ACKR3: variants seen among roughly 807,000 people sequenced by gnomAD.
The protein encoded by ACKR3 is atypical chemokine receptor 3, also known as C-X-C chemokine receptor type 7.
In ACKR3, 6 loss-of-function variants were observed where a neutral mutation model predicts 22.4. That is an observed-to-expected ratio of 0.27 (90% confidence interval 0.15 to 0.53). The LOEUF is 0.53. Among genes scored for constraint, ACKR3 ranks in the 20% least tolerant of loss-of-function variants. The pLI is 0.96. For synonymous variants in ACKR3, 209 were observed against 205.2 expected, an observed-to-expected ratio of 1.02 and a Z score of -0.16; for missense variants, 396 against 475.2, an observed-to-expected ratio of 0.83 and a Z score of 1.55.
chr2:236,543,563 T>C, the ACKR3 span, among the ~76,000 whole-genome samples: 1 of 151,680 alleles, frequency 6.6e-6, no homozygotes, highest in Non-Finnish European at 1.5e-5. Flanking sequence ...CCCAGGGGAG[T>C]GGATGGATAA....
chr2:236,547,707 A>T, the ACKR3 span, among the ~76,000 whole-genome samples: 1 of 152,326 alleles, frequency 6.6e-6, no homozygotes, highest in African/African-American at 2.4e-5. Context: ...CATGTTAGAG[A>T]TATGAATCCA....
chr2:236,578,788 C>A (rs767069064), intron 1 of ACKR3, among the ~76,000 whole-genome samples: 2 of 152,190 alleles, frequency 1.3e-5, no homozygotes, highest in African/African-American at 2.4e-5. Context: ...TGTGCGAGCT[C>A]CCCCGGGGGC....
intron 1 of ACKR3, among the ~76,000 whole-genome samples, chr2:236,571,057 C>G (rs559737552): frequency 6.6e-6 from 1 of 152,066 alleles, no homozygotes; most frequent in African/African-American, 2.4e-5. Flanking sequence ...TTTATTTATT[C>G]CAGGAAAAAT....
chr2:236,556,772 T>C, the ACKR3 span, among the ~76,000 whole-genome samples: 1 of 152,210 alleles, frequency 6.6e-6, no homozygotes, highest in African/African-American at 2.4e-5. Context: ...CACTGCAACC[T>C]CCACCTCCCA....
rs1445577548 is a variant in ACKR3 at position 236,574,392 on chromosome 2, G to A, written c.-27+4468G>A. Reference sequence around the variant, plus strand: ...TGGTGGGGGGTGCGGGGCCTGGTAGGAATGAGGTGGAGGGGCAAGAAACCT... The same window carrying A: ...TGGTGGGGGGTGCGGGGCCTGGTAGAAATGAGGTGGAGGGGCAAGAAACCT... On this transcript the variant is annotated intron_variant, in intron 1 of 1. Transcript: ENST00000272928. This position sits in a 1 kb window ranked among gnomAD's most constrained non-coding sequence, Gnocchi z 5.6. Among the ~76,000 whole-genome samples, 1 of 152,144 alleles carries A rather than the reference G, an allele frequency of 6.6e-6. No individual in the cohort carries two copies. The highest frequency in any genetic ancestry group is 1.5e-5 in the Non-Finnish European group (1 of 68,010).
chr2:236,538,481 GCCACCC>G, the ACKR3 span, among the ~76,000 whole-genome samples: 1 of 152,146 alleles, frequency 6.6e-6, no homozygotes, highest in African/African-American at 2.4e-5. Context: ...GGCAAGACTT[GCCACCC>G]CCACCCTCCT....
intron 1 of ACKR3, 145 bp from the exon 2 acceptor site, chr2:236,580,295 C>T (rs559359072): frequency 5.3e-6 from 4 of 752,576 alleles, no homozygotes; most frequent in African/African-American, 3.5e-5. Flanking sequence ...TTTTTTCTCC[C>T]TTCTTTGCAA....
upstream of ACKR3, among the ~76,000 whole-genome samples, chr2:236,566,535 A>T (rs2106494826): frequency 8.0e-6 from 1 of 124,920 alleles, no homozygotes; most frequent in African/African-American, 5.4e-5. Context: ...CTCTCCCCAT[A>T]GCAGAAGGAA....
At chr2:236,544,448 C>A in the ACKR3 span, among the ~76,000 whole-genome samples, 1 of 152,252 alleles carries the variant, frequency 6.6e-6, no homozygotes, top group South Asian at 2.1e-4. The surrounding 1 kb of genome is among the most constrained non-coding windows in gnomAD (Gnocchi z 5.0). Context: ...GGCTTCCTGT[C>A]GGAGCAGGTC....
chr2:236,557,906 C>T, the ACKR3 span, among the ~76,000 whole-genome samples: 2 of 152,242 alleles, frequency 1.3e-5, no homozygotes, highest in East Asian at 1.9e-4. Flanking sequence ...CGATCAGACA[C>T]ACCCAAATGG....
rs1691503561 is a variant in ACKR3 at position 236,580,687 on chromosome 2, C to T, written c.222C>T (p.Thr74=). 1 of 1,614,188 alleles carries T rather than the reference C, an allele frequency of 6.2e-7. No individual in the cohort carries two copies. Among genetic ancestry groups the T allele is most frequent in the Admixed American group, 1.7e-5 (1 of 60,016 alleles). The change falls in exon 2 of 2, where the codon ACC becomes ACT. Residue 74 remains threonine (T), a synonymous_variant. Coordinates refer to ENST00000272928, the MANE Select transcript of ACKR3 (RefSeq NM_020311.3). The stretch of plus-strand genomic sequence containing the variant: ...TCTGGGTGAATATCCAGGCCAAGAC[C>T]ACAGGCTATGACACGCACTGCTACA... ...VVVWVNIQAK[T]TGYDTHCYIL...
the ACKR3 span, among the ~76,000 whole-genome samples, chr2:236,550,584 A>G: frequency 6.6e-6 from 1 of 152,074 alleles, no homozygotes; most frequent in Non-Finnish European, 1.5e-5. The surrounding 1 kb of genome is among the most constrained non-coding windows in gnomAD (Gnocchi z 4.6). Context: ...GCTTCCGGCA[A>G]TGTGGGCTCT....
upstream of ACKR3, among the ~76,000 whole-genome samples, chr2:236,566,012 C>A (rs1408420625): frequency 6.6e-6 from 1 of 152,236 alleles, no homozygotes; most frequent in African/African-American, 2.4e-5. Flanking sequence ...CCTCTCTGGG[C>A]TCATATCACA....
the ACKR3 span, among the ~76,000 whole-genome samples, chr2:236,558,049 C>G: frequency 6.6e-6 from 1 of 152,192 alleles, no homozygotes; most frequent in Non-Finnish European, 1.5e-5. Context: ...CCACGTGATT[C>G]TGAGGAGTCT....
chr2:236,542,470 C>A, the ACKR3 span, among the ~76,000 whole-genome samples: 1 of 152,176 alleles, frequency 6.6e-6, no homozygotes, highest in Non-Finnish European at 1.5e-5. Context: ...GGACCGACAT[C>A]TCCCTGCTGT....
At chr2:236,556,120 G>A in the ACKR3 span, among the ~76,000 whole-genome samples, 1 of 152,172 alleles carries the variant, frequency 6.6e-6, no homozygotes, top group Non-Finnish European at 1.5e-5. Flanking sequence ...CATGTGGGGT[G>A]AGGGGAGCAT....
chr2:236,557,514 A>C, the ACKR3 span, among the ~76,000 whole-genome samples: 1 of 152,350 alleles, frequency 6.6e-6, no homozygotes, highest in Non-Finnish European at 1.5e-5. Context: ...CCATATATTG[A>C]AAGGACATAG....
chr2:236,570,293 G>C (rs560998405), intron 1 of ACKR3, among the ~76,000 whole-genome samples: 10 of 152,254 alleles, frequency 6.6e-5, no homozygotes, highest in Non-Finnish European at 1.3e-4. Context: ...TTTGGCATGG[G>C]GATTAGCTTG....
chr2:236,537,710 C>T, the ACKR3 span, among the ~76,000 whole-genome samples: 20,105 of 152,162 alleles, frequency 0.13, 1,962 homozygotes, highest in African/African-American at 0.27. Flanking sequence ...GCTACTATTA[C>T]TTATGAGCCA....
Sources: gnomAD v4.1 joint callset for allele counts (sites outside exome capture counted in the v4.1 genomes callset) on GRCh38, gnomAD v4.1.1 for gene constraint, Gnocchi (gnomAD v3.1) non-coding constraint, MANE v1.5 for transcripts, NCBI Gene and HGNC (gene_info 2026-07-23, HGNC 2026-07-21) for gene names.